Variants in TTC6 observed in about 807,000 individuals in gnomAD.
The protein encoded by TTC6 is tetratricopeptide repeat domain 6.
TTC6 carries 172 observed loss-of-function variants against 210.4 expected under a neutral mutation model. The observed-to-expected ratio is 0.82, with a 90% confidence interval of 0.72 to 0.93. The LOEUF is 0.93. Among genes scored for constraint, TTC6 ranks in the 40% least tolerant of loss-of-function variants. The pLI, the probability that TTC6 is intolerant of heterozygous loss-of-function variation, is 0.00. For missense variants in TTC6, 2,414 were observed against 2,318.1 expected, an observed-to-expected ratio of 1.04 and a Z score of -0.85; for synonymous variants, 804 against 819.6, an observed-to-expected ratio of 0.98 and a Z score of 0.32.
intron 1 of TTC6, among the ~76,000 whole-genome samples, chr14:37,672,313 T>G (rs1343601915): frequency 1.3e-5 from 2 of 152,194 alleles, no homozygotes. Context: ...TATACTCTTA[T>G]CCTCATCTCT....
intron 1 of TTC6, among the ~76,000 whole-genome samples, chr14:37,637,344 A>G (rs1452397848): frequency 6.6e-6 from 1 of 152,246 alleles, no homozygotes; most frequent in African/African-American, 2.4e-5. Flanking sequence ...TTTGTTCTAC[A>G]AAAGACCCTG....
intron 28 of TTC6, 113 bp downstream of exon 30, chr14:37,826,460 T>A (rs1045586466): frequency 2.9e-6 from 3 of 1,033,924 alleles, no homozygotes; most frequent in Non-Finnish European, 3.9e-6. Flanking sequence ...GAGAAAATAA[T>A]GTTTTGTATT....
intron 18 of TTC6, among the ~76,000 whole-genome samples, chr14:37,795,824 A>G (rs1007102208): frequency 1.3e-5 from 2 of 152,172 alleles, no homozygotes; most frequent in African/African-American, 4.8e-5. Flanking sequence ...AGAACTTTCT[A>G]TAAAGATATC....
intron 1 of TTC6, among the ~76,000 whole-genome samples, 168 bp from the exon 2 acceptor site, chr14:37,606,495 C>T (rs1292546646): frequency 6.6e-6 from 1 of 152,136 alleles, no homozygotes; most frequent in Admixed American, 6.5e-5. Context: ...CCATCAGCAG[C>T]TCCTCTTCCA....
chr14:37,650,904 G>A (rs570788997), intron 1 of TTC6, among the ~76,000 whole-genome samples: 39 of 152,268 alleles, frequency 2.6e-4, no homozygotes, highest in African/African-American at 9.4e-4. Flanking sequence ...GACCTTGGGG[G>A]CTTTTGAACC....
At chr14:37,669,303 T>C (rs1277133900) in intron 1 of TTC6, among the ~76,000 whole-genome samples, 1 of 152,166 alleles carries the variant, frequency 6.6e-6, no homozygotes, top group African/African-American at 2.4e-5. Flanking sequence ...AGGGAGCCAA[T>C]GTGAAGATGC....
chr14:37,629,226 T>C (rs1396660526), intron 1 of TTC6, among the ~76,000 whole-genome samples: 1 of 152,230 alleles, frequency 6.6e-6, no homozygotes, highest in Non-Finnish European at 1.5e-5. Flanking sequence ...TATTGATTCT[T>C]CCTATCCATG....
chr14:37,601,299 T>G (rs1015678934), intron 1 of TTC6, among the ~76,000 whole-genome samples: 5 of 152,222 alleles, frequency 3.3e-5, no homozygotes, highest in Non-Finnish European at 7.3e-5. Flanking sequence ...TTTCATTTTT[T>G]TTCTCTCCCT....
chr14:37,761,392 C>T (rs1025737949), intron 14 of TTC6, among the ~76,000 whole-genome samples: 1 of 151,982 alleles, frequency 6.6e-6, no homozygotes. Context: ...AAATCACCCA[C>T]CTTTTGCGTG....
chr14:37,652,811 C>T (rs1333566920), intron 1 of TTC6, among the ~76,000 whole-genome samples: 1 of 152,178 alleles, frequency 6.6e-6, no homozygotes, highest in Non-Finnish European at 1.5e-5. Flanking sequence ...CCACCCCTAC[C>T]CATGGCACAT....
chr14:37,786,504 A>G (rs530886945), intron 14 of TTC6, among the ~76,000 whole-genome samples: 241 of 152,252 alleles, frequency 1.6e-3, no homozygotes, highest in African/African-American at 4.7e-3. Context: ...GAGTGAGTCA[A>G]TTTTCCAGGT....
intron 5 of TTC6, among the ~76,000 whole-genome samples, chr14:37,708,149 CAT>C (rs1401500066): frequency 5.3e-5 from 8 of 151,932 alleles, no homozygotes; most frequent in South Asian, 2.1e-4. Context: ...ATTTTGATAA[CAT>C]ATTTCTTTGA....
At chr14:37,610,144 TTGTC>T (rs1174751574) in intron 2 of TTC6, among the ~76,000 whole-genome samples, 3 of 152,168 alleles carry the variant, frequency 2.0e-5, no homozygotes, top group African/African-American at 7.2e-5. Context: ...CAGGCTGGCT[TTGTC>T]TGTTTCTACA....
At chr14:37,725,963 G>A (rs71407729) in intron 7 of TTC6, among the ~76,000 whole-genome samples, 8,655 of 152,088 alleles carry the variant, frequency 0.057, 380 homozygotes, top group Non-Finnish European at 0.089. Context: ...TTAGAAAAAT[G>A]AGGAGAAATA....
intron 25 of TTC6, among the ~76,000 whole-genome samples, chr14:37,812,875 G>T (rs1439352798): frequency 6.6e-6 from 1 of 152,186 alleles, no homozygotes; most frequent in Non-Finnish European, 1.5e-5. Flanking sequence ...GCTTTAAAGT[G>T]AGTGGTGACA....
At chr14:37,779,623 G>C (rs912896836) in intron 14 of TTC6, among the ~76,000 whole-genome samples, 1 of 152,092 alleles carries the variant, frequency 6.6e-6, no homozygotes, top group Non-Finnish European at 1.5e-5. Flanking sequence ...TTGAAAGTTT[G>C]GAATAACTTG....
chr14:37,599,149 AG>A (rs1335129934), intron 1 of TTC6, among the ~76,000 whole-genome samples: 1 of 152,154 alleles, frequency 6.6e-6, no homozygotes. Context: ...GAGCTGGGGA[AG>A]GGGCCAGGGA....
chr14:37,822,334 G>C (rs2096159863), intron 26 of TTC6, among the ~76,000 whole-genome samples: 1 of 152,148 alleles, frequency 6.6e-6, no homozygotes, highest in African/African-American at 2.4e-5. Context: ...CAACTTTCAT[G>C]AAGGAAGGGG....
At chr14:37,696,818 T>C (rs1226842888) in exon 4 of TTC6, 5 of 1,382,984 alleles carry the variant, frequency 3.6e-6, no homozygotes, top group Non-Finnish European at 4.7e-6. Context: ...CTCTTTGTGA[T>C]AAAAAACTAC....
Sources: gnomAD v4.1 joint callset for allele counts (sites outside exome capture counted in the v4.1 genomes callset) on GRCh38, gnomAD v4.1.1 for gene constraint, MANE v1.5 for transcripts, NCBI Gene and HGNC (gene_info 2026-07-23, HGNC 2026-07-21) for gene names.